Variants in LAMA2 observed in about 807,000 individuals in gnomAD.
LAMA2 encodes laminin subunit alpha-2.
A neutral mutation model predicts 364.8 loss-of-function variants in LAMA2; 269 were observed. That is an observed-to-expected ratio of 0.74 (90% CI 0.67 to 0.82). LAMA2 has a LOEUF of 0.82. Among genes scored for constraint, LAMA2 ranks in the 40% least tolerant of loss-of-function variants. The pLI, the probability that LAMA2 is intolerant of heterozygous loss-of-function variation, is 0.00. For synonymous variants in LAMA2, 1,379 were observed against 1,370.6 expected, an observed-to-expected ratio of 1.01 and a Z score of -0.14; for missense variants, 3,807 against 3,873.2, an observed-to-expected ratio of 0.98 and a Z score of 0.45.
In LAMA2 at chr6:129,315,621, A is replaced by G; in HGVS notation, c.3701A>G (p.Tyr1234Cys). ...MREDLHLEPFYWKLPEQFEGK... is the reference protein window; with the variant it reads ...MREDLHLEPFCWKLPEQFEGK... Reference sequence around the variant, plus strand: ...GAAGATCTCCATTTGGAACCTTTTTATTGGAAACTTCCAGAACAATTTGAA... The same window carrying G: ...GAAGATCTCCATTTGGAACCTTTTTGTTGGAAACTTCCAGAACAATTTGAA... Residue 1234 changes from tyrosine (Y) to cysteine (C), a missense_variant, in exon 25 of 65, where the codon TAT becomes TGT. By Grantham distance (194) the Tyr-to-Cys change is radical. Coordinates refer to ENST00000421865, the MANE Select transcript of LAMA2 (RefSeq NM_000426.4). The G allele has an allele frequency of 6.2e-7, 1 of 1,614,230 alleles. No homozygotes were observed. Among genetic ancestry groups the G allele is most frequent in the Non-Finnish European group, 8.5e-7 (1 of 1,180,030 alleles).
chr6:129,374,018 G>A (rs549847517), intron 34 of LAMA2, among the ~76,000 whole-genome samples: 3 of 152,104 alleles, frequency 2.0e-5, no homozygotes, highest in Non-Finnish European at 2.9e-5. Flanking sequence ...ACTACTGAAA[G>A]CAAAGATCAC....
intron 40 of LAMA2, among the ~76,000 whole-genome samples, chr6:129,407,091 T>C (rs1351765402): frequency 6.6e-6 from 1 of 152,184 alleles, no homozygotes; most frequent in Non-Finnish European, 1.5e-5. Context: ...TGCCTGCTTT[T>C]ATTCTAGCCA....
At chr6:129,445,273 G>A (rs1782309101) in intron 44 of LAMA2, among the ~76,000 whole-genome samples, 1 of 152,190 alleles carries the variant, frequency 6.6e-6, no homozygotes, top group African/African-American at 2.4e-5. Context: ...TTTAAATACA[G>A]TTCTGGCTTG....
chr6:129,314,250 T>C (rs1391906691), intron 23 of LAMA2, among the ~76,000 whole-genome samples: 4 of 151,896 alleles, frequency 2.6e-5, no homozygotes, highest in Non-Finnish European at 5.9e-5. Flanking sequence ...AATACAAAAA[T>C]TAGCTGGGCG....
chr6:129,326,949 C>G (rs1017551979), intron 28 of LAMA2, among the ~76,000 whole-genome samples: 19 of 151,164 alleles, frequency 1.3e-4, no homozygotes, highest in African/African-American at 4.6e-4. Context: ...AATTCTTCAA[C>G]CATCATTTCC....
chr6:128,997,480 A>T (rs116509118), intron 1 of LAMA2, among the ~76,000 whole-genome samples: 5,661 of 152,180 alleles, frequency 0.037, 307 homozygotes, highest in African/African-American at 0.12. Context: ...TGAAGACACA[A>T]ACTGGCTATT....
intron 45 of LAMA2, among the ~76,000 whole-genome samples, chr6:129,451,597 A>C (rs1318997360): frequency 6.6e-6 from 1 of 152,206 alleles, no homozygotes; most frequent in Non-Finnish European, 1.5e-5. Context: ...CAGGTGAGGC[A>C]ACAACAATAA....
intron 17 of LAMA2, 127 bp downstream of exon 17, chr6:129,270,878 G>A: frequency 9.7e-7 from 1 of 1,032,294 alleles, no homozygotes; most frequent in Admixed American, 2.0e-5. Context: ...AATTTTTTCA[G>A]GAAAATTATA....
At chr6:129,181,158 C>T (rs1326102315) in intron 10 of LAMA2, among the ~76,000 whole-genome samples, 2 of 152,032 alleles carry the variant, frequency 1.3e-5, no homozygotes, top group Non-Finnish European at 2.9e-5. Flanking sequence ...CCCTTATGTG[C>T]TGGCATTCTT....
rs144744339 is a variant in LAMA2 at position 128,968,620 on chromosome 6, G to A, written c.113-81298G>A. Among the ~76,000 whole-genome samples, 11 of 152,274 alleles carry A rather than the reference G, an allele frequency of 7.2e-5. 1 individual carries two copies. The highest frequency in any genetic ancestry group is 1.0e-4 in the Non-Finnish European group (7 of 68,028). ...CAAGGGACTTTTCAGCTCTGGAGAT[G>A]CTTGTAGAGAAATGCAGAGGTCCTA... On this transcript the variant is annotated intron_variant, in intron 1 of 64. Transcript: ENST00000421865.
chr6:129,196,087 A>C (rs1164960615), intron 12 of LAMA2, among the ~76,000 whole-genome samples: 1 of 152,110 alleles, frequency 6.6e-6, no homozygotes, highest in Non-Finnish European at 1.5e-5. Context: ...TCTTTACCAA[A>C]ACCTGCTTAT....
intron 15 of LAMA2, among the ~76,000 whole-genome samples, chr6:129,266,782 C>G (rs1787546971): frequency 6.6e-6 from 1 of 152,074 alleles, no homozygotes; most frequent in Non-Finnish European, 1.5e-5. Context: ...ACTTTTTCTT[C>G]TACTTTCCTG....
In LAMA2 at chr6:129,143,977, G is replaced by T. The variant is rs776777494; in HGVS notation, c.716G>T (p.Arg239Leu). 2 of 1,612,156 alleles carry T rather than the reference G, an allele frequency of 1.2e-6. No homozygotes were observed. Among genetic ancestry groups the T allele is most frequent in the Non-Finnish European group, 1.7e-6 (2 of 1,178,734 alleles). The change falls in exon 5 of 65, where the codon CGC becomes CTC. Residue 239 changes from arginine to leucine, a missense_variant. Around this residue, in one of 3 missense-constraint regions of LAMA2, gnomAD observed 394 missense variants for 403.5 expected, o/e 0.98. Coordinates refer to ENST00000421865, the MANE Select transcript of LAMA2 (RefSeq NM_000426.4). ...SPELLEFTSA[R>L]YIRLRFQRIR... ...GAACTGCTAGAATTTACCTCCGCTC[G>T]CTATATTCGCCTGAGATTTCAGAGG...
intron 40 of LAMA2, among the ~76,000 whole-genome samples, chr6:129,417,845 C>T (rs1780878686): frequency 1.3e-5 from 2 of 152,168 alleles, no homozygotes; most frequent in Non-Finnish European, 2.9e-5. Flanking sequence ...ACAGCCTCAG[C>T]TTTGCTCTGA....
chr6:128,905,019 C>G (rs1391394898), intron 1 of LAMA2, among the ~76,000 whole-genome samples: 1 of 152,016 alleles, frequency 6.6e-6, no homozygotes, highest in African/African-American at 2.4e-5. Flanking sequence ...AATAATTAAC[C>G]ATTTTATAAT....
At chr6:129,291,029 GTAAATCAT>G (rs1349145095) in intron 19 of LAMA2, among the ~76,000 whole-genome samples, 1 of 152,036 alleles carries the variant, frequency 6.6e-6, no homozygotes, top group African/African-American at 2.4e-5. Context: ...CCGGCACACA[GTAAATCAT>G]TAAATCAAAA....
At chr6:129,008,122 G>A (rs1243940171) in intron 1 of LAMA2, among the ~76,000 whole-genome samples, 29 of 152,252 alleles carry the variant, frequency 1.9e-4, no homozygotes, top group South Asian at 2.1e-4. Context: ...ATGACAACAC[G>A]CTTATTTTGC....
intron 37 of LAMA2, among the ~76,000 whole-genome samples, chr6:129,398,063 T>A (rs528660858): frequency 6.6e-6 from 1 of 152,100 alleles, no homozygotes; most frequent in Admixed American, 6.6e-5. Context: ...TTTATTGAAA[T>A]CAAAATATAT....
At position 129,516,280 on chromosome 6, in the gene LAMA2, T is replaced by C. The variant is rs779575092; in HGVS notation, c.9302T>C (p.Leu3101Pro). 1.2e-6 allele frequency: 2 copies of C among 1,614,128 alleles called. No homozygotes were observed. Among genetic ancestry groups the C allele is most frequent in the East Asian group, 2.2e-5 (1 of 44,862 alleles). The change falls in exon 65 of 65, where the codon CTG becomes CCG. Residue 3101 changes from leucine (L) to proline (P), a missense_variant. This residue lies in a region of LAMA2 where 3,333 missense variants were observed against 3,345.7 expected (regional missense o/e 1.00). Coordinates refer to ENST00000421865, the MANE Select transcript of LAMA2 (RefSeq NM_000426.4). The part of the protein sequence containing the change: ...LKLTKGTGKP[L>P]EVNFAKALEL... ...CTCACCAAAGGCACAGGCAAGCCAC[T>C]GGAGGTTAATTTTGCCAAGGCCCTG... is the stretch of plus-strand genomic sequence containing the variant.
Sources: allele counts gnomAD v4.1 joint callset (sites outside exome capture counted in the v4.1 genomes callset), GRCh38; gene constraint gnomAD v4.1.1; regional missense constraint gnomAD v4.1.1; transcripts MANE v1.5; gene names NCBI Gene and HGNC (gene_info 2026-07-23, HGNC 2026-07-21).